NFIB: variants seen among roughly 807,000 people sequenced by gnomAD.
NFIB encodes the protein nuclear factor I B.
Under a neutral mutation model 61.5 loss-of-function variants are expected in NFIB, and 11 were observed. The observed-to-expected ratio is 0.18, with a 90% CI of 0.11 to 0.30. NFIB has a LOEUF of 0.30. Ranked by LOEUF, NFIB falls within the 10% of genes least tolerant of loss-of-function variation. The probability of loss-of-function intolerance (pLI) is 1.00; values close to 1 mark genes in which losing one functional copy is unlikely to be tolerated. For synonymous variants in NFIB, 260 were observed against 216.5 expected (o/e 1.20, Z -1.76); for missense variants, 471 against 608.9 (o/e 0.77, Z 2.38).
chr9:14,279,234 C>T (rs962148423), intron 2 of NFIB, among the ~76,000 whole-genome samples: 1 of 152,070 alleles, frequency 6.6e-6, no homozygotes, highest in African/African-American at 2.4e-5. Context: ...ATGGAAGCCC[C>T]GTCTTCCCAT....
intron 2 of NFIB, chr9:14,306,058 A>C (rs1380017512): frequency 1.3e-6 from 1 of 787,566 alleles, no homozygotes; most frequent in Non-Finnish European, 1.9e-6. Flanking sequence ...AAAAATAATA[A>C]ACATTTCATT....
At chr9:14,157,355 T>A (rs2043551965) in intron 3 of NFIB, among the ~76,000 whole-genome samples, 1 of 152,138 alleles carries the variant, frequency 6.6e-6, no homozygotes, top group Non-Finnish European at 1.5e-5. Context: ...AATTAGCATA[T>A]GTGTTTCACT....
Position 14,381,881 on chromosome 9 carries a change from C to T in NFIB, c.108+16643G>A, listed in dbSNP as rs145634434. The stretch of plus-strand genomic sequence containing the variant: ...GTTGAATGAATGAATAAGGGTGAAA[C>T]GTTTTGAGTGCTCCTAATTCAAGTC... On this transcript the variant is annotated intron_variant, in intron 1 of 8. Coordinates refer to the NFIB transcript ENST00000380934. Among the ~76,000 whole-genome samples, 25 of 152,324 alleles carry T rather than the reference C, an allele frequency of 1.6e-4. No individual in the cohort carries two copies. The East Asian group carries it at 2.9e-3, about 18-fold the overall frequency.
chr9:14,437,576 C>CTCTCT, the NFIB span, among the ~76,000 whole-genome samples: 2 of 152,222 alleles, frequency 1.3e-5, no homozygotes, highest in African/African-American at 2.4e-5. Flanking sequence ...GCTTTCCTGC[C>CTCTCT]TCTCCTCAGG....
intron 2 of NFIB, among the ~76,000 whole-genome samples, chr9:14,191,173 C>A (rs2047909271): frequency 1.3e-5 from 2 of 151,764 alleles, no homozygotes; most frequent in Admixed American, 1.3e-4. Context: ...ACTAAAAATA[C>A]AATAATTAGC....
At chr9:14,247,934 T>A (rs2055117738) in intron 2 of NFIB, among the ~76,000 whole-genome samples, 1 of 145,694 alleles carries the variant, frequency 6.9e-6, no homozygotes, top group African/African-American at 2.5e-5. Context: ...TTTCTTTTTT[T>A]CTTTTTTTTT....
At chr9:14,348,639 T>C (rs900638465) in intron 1 of NFIB, among the ~76,000 whole-genome samples, 3 of 152,248 alleles carry the variant, frequency 2.0e-5, no homozygotes, top group African/African-American at 7.2e-5. Flanking sequence ...GGAACCCTTC[T>C]TCTTCTGCGC....
intron 2 of NFIB, among the ~76,000 whole-genome samples, chr9:14,275,859 A>G (rs1563966731): frequency 6.6e-6 from 1 of 151,972 alleles, no homozygotes; most frequent in Non-Finnish European, 1.5e-5. Flanking sequence ...ACCATAATCT[A>G]TCTAATCCTA....
chr9:14,435,924 C>G, the NFIB span, among the ~76,000 whole-genome samples: 1 of 152,220 alleles, frequency 6.6e-6, no homozygotes, highest in African/African-American at 2.4e-5. Context: ...ATGCCACACC[C>G]ATTAGGTAAC....
At chr9:14,421,918 GCTA>G in the NFIB span, among the ~76,000 whole-genome samples, 2 of 152,030 alleles carry the variant, frequency 1.3e-5, no homozygotes, top group Non-Finnish European at 2.9e-5. Flanking sequence ...AATTAGAATT[GCTA>G]CTTTTTTTTT....
intron 1 of NFIB, among the ~76,000 whole-genome samples, chr9:14,323,145 A>C (rs1201756706): frequency 5.9e-5 from 9 of 152,234 alleles, no homozygotes; most frequent in Admixed American, 5.9e-4. Context: ...TCATTAAAGC[A>C]AAAGGACCAG....
the NFIB span, among the ~76,000 whole-genome samples, chr9:14,446,749 A>G: frequency 6.6e-6 from 1 of 152,188 alleles, no homozygotes; most frequent in African/African-American, 2.4e-5. Context: ...ACGTATTATT[A>G]TGTAATTTTA....
chr9:14,426,544 A>G, the NFIB span, among the ~76,000 whole-genome samples: 1 of 152,232 alleles, frequency 6.6e-6, no homozygotes, highest in Non-Finnish European at 1.5e-5. Context: ...CAAACTGTAT[A>G]TCTTATGAAT....
chr9:14,472,788 C>T, the NFIB span, among the ~76,000 whole-genome samples: 1 of 151,964 alleles, frequency 6.6e-6, no homozygotes, highest in Non-Finnish European at 1.5e-5. Context: ...TTGCAGTGAG[C>T]CGAGATCGAG....
the NFIB span, among the ~76,000 whole-genome samples, chr9:14,463,040 CATA>C: frequency 1.3e-5 from 2 of 151,928 alleles, no homozygotes; most frequent in African/African-American, 4.8e-5. Flanking sequence ...GAAGCTTGTC[CATA>C]ATAAGTTCAA....
rs865990773 is a variant in NFIB at position 14,082,044 on chromosome 9, C to T, written c.*6265G>A. The T allele has an allele frequency of 4.7e-5, 10 of 211,108 alleles. No homozygotes were observed. The highest frequency in any genetic ancestry group is 1.5e-3 in the Middle Eastern group (1 of 670). The allele number at this position is 211,108 out of a possible 1,614,324, so 13.1% of individuals were successfully genotyped here. A position where few individuals can be genotyped will look rare whatever the true frequency, so the allele number is the denominator to read the frequency against. ...GTTCATTTGCAACCCACAAAAAGTA[C>T]CCAAAGAACGTTATCCTCCAACCGG... On this transcript the variant is annotated 3_prime_UTR_variant, in exon 11 of 11. Coordinates refer to ENST00000380953, the MANE Select transcript of NFIB (RefSeq NM_001190737.2).
the NFIB span, among the ~76,000 whole-genome samples, chr9:14,482,727 T>C: frequency 2.6e-5 from 4 of 152,228 alleles, no homozygotes; most frequent in Non-Finnish European, 4.4e-5. Context: ...TCATTTAATG[T>C]TATTTTATTA....
chr9:14,082,451 T>G lies in NFIB; in HGVS notation c.*5858A>C, dbSNP rs920016634. 1 of 204,172 alleles carries G rather than the reference T, an allele frequency of 4.9e-6. No individual in the cohort carries two copies. The highest frequency in any genetic ancestry group is 1.0e-5 in the Non-Finnish European group (1 of 99,458). 12.6% of individuals were successfully genotyped at this position (204,172 alleles called of 1,614,324 possible). A position where few individuals can be genotyped will look rare whatever the true frequency, so the allele number is the denominator to read the frequency against. On this transcript the variant is annotated 3_prime_UTR_variant, in exon 11 of 11. Transcript: ENST00000380953. ...AGGATGCTAAAAGTTCTATATGATATAAGCACAAATTAACAGCTTGATGAA... is the reference window on the plus strand; with the variant it reads ...AGGATGCTAAAAGTTCTATATGATAGAAGCACAAATTAACAGCTTGATGAA...
chr9:14,246,574 T>C (rs1009182858), intron 2 of NFIB, among the ~76,000 whole-genome samples: 3 of 152,216 alleles, frequency 2.0e-5, no homozygotes, highest in African/African-American at 7.2e-5. Flanking sequence ...GTAGAGTGAA[T>C]GCCCATATGT....
Sources: gnomAD v4.1 joint callset for allele counts (sites outside exome capture counted in the v4.1 genomes callset) on GRCh38, gnomAD v4.1.1 for gene constraint, MANE v1.5 for transcripts, NCBI Gene and HGNC (gene_info 2026-07-23, HGNC 2026-07-21) for gene names.